SGSM1: variants seen among roughly 807,000 people sequenced by gnomAD.
SGSM1 encodes the protein RUN and TBC1 domain containing 2.
Under a neutral mutation model 133.8 loss-of-function variants are expected in SGSM1, and 73 were observed. The observed-to-expected ratio is 0.55, with a 90% CI of 0.45 to 0.66. The LOEUF is 0.66. SGSM1 is among the 30% of genes least tolerant of loss of function. SGSM1 has a pLI of 0.00. For synonymous variants in SGSM1, 563 were observed against 573.0 expected, an observed-to-expected ratio of 0.98 and a Z score of 0.25; for missense variants, 1,213 against 1,448.1, an observed-to-expected ratio of 0.84 and a Z score of 2.64.
At chr22:24,855,861 ACATC>A in intron 8 of SGSM1, 181 bp downstream of exon 8, 3 of 874,976 alleles carry the variant, frequency 3.4e-6, no homozygotes, top group South Asian at 2.9e-5. Flanking sequence ...ACCCATCCTT[ACATC>A]CATCCATCCA....
chr22:24,830,847 C>T (rs1333658619), intron 2 of SGSM1, among the ~76,000 whole-genome samples: 1 of 152,070 alleles, frequency 6.6e-6, no homozygotes, highest in Non-Finnish European at 1.5e-5. Flanking sequence ...TGCTGCTGGC[C>T]CATGAGTGAG....
intron 24 of SGSM1, 53 bp from the exon 25 acceptor site, chr22:24,924,133 C>A: frequency 6.4e-7 from 1 of 1,561,984 alleles, no homozygotes; most frequent in South Asian, 1.1e-5. Flanking sequence ...GAATTGTACC[C>A]TAAGACTGGA....
At chr22:24,822,091 T>C (rs970897571) in intron 2 of SGSM1, among the ~76,000 whole-genome samples, 136 of 138,764 alleles carry the variant, frequency 9.8e-4, no homozygotes, top group African/African-American at 3.2e-3. Context: ...TCTCTCTCTT[T>C]TTTTTTTTTT....
At chr22:24,911,754 G>A (rs775429067) in intron 21 of SGSM1, among the ~76,000 whole-genome samples, 10 of 152,070 alleles carry the variant, frequency 6.6e-5, no homozygotes, top group African/African-American at 9.7e-5. Flanking sequence ...TGACCAGTAC[G>A]CCTCAAAACT....
At chr22:24,878,352 C>T (rs947715862) in intron 13 of SGSM1, among the ~76,000 whole-genome samples, 1 of 152,176 alleles carries the variant, frequency 6.6e-6, no homozygotes, top group Non-Finnish European at 1.5e-5. Flanking sequence ...TGATGGAGAG[C>T]TCACTACTTT....
intron 13 of SGSM1, among the ~76,000 whole-genome samples, 157 bp from the exon 14 acceptor site, chr22:24,879,305 A>C (rs1424456324): frequency 6.6e-6 from 1 of 152,180 alleles, no homozygotes; most frequent in Non-Finnish European, 1.5e-5. Flanking sequence ...AGAGGCAATG[A>C]TGCTGTACAG....
At chr22:24,917,790 CTT>C (rs774671964) in intron 23 of SGSM1, 36 bp downstream of exon 23, 2 of 1,563,910 alleles carry the variant, frequency 1.3e-6, no homozygotes, top group Admixed American at 1.7e-5. Context: ...TGTCCAGACT[CTT>C]TGTAGCAGAA....
intron 16 of SGSM1, among the ~76,000 whole-genome samples, chr22:24,889,203 G>A (rs908762776): frequency 7.2e-5 from 11 of 151,786 alleles, no homozygotes; most frequent in Admixed American, 2.6e-4. Context: ...CTCGTGATCC[G>A]CCTGCCTTGG....
Position 24,806,504 on chromosome 22 carries a change from C to T in SGSM1, c.63+20C>T, listed in dbSNP as rs986255962. ...AAGGAGGTGGGTGCCGGGGTGGGGG[C>T]ACTGGGCAGGACTCCCCCGGCAGCA... On this transcript the variant is annotated intron_variant, in intron 2 of 24. Transcript: ENST00000400358. 127 of 1,503,512 alleles carry T rather than the reference C, an allele frequency of 8.4e-5. No individual in the cohort carries two copies. The highest frequency in any genetic ancestry group is 1.1e-4 in the Non-Finnish European group (122 of 1,126,890). 93.1% of individuals were successfully genotyped at this position (1,503,512 alleles called of 1,614,324 possible).
intron 9 of SGSM1, among the ~76,000 whole-genome samples, chr22:24,860,919 AAAAATAT>A (rs1470011808): frequency 4.3e-5 from 4 of 93,654 alleles, no homozygotes; most frequent in African/African-American, 1.5e-4. Context: ...AAAAAAAAAA[AAAAATAT>A]ATATATATAT....
chr22:24,813,371 G>A (rs927109947), intron 2 of SGSM1, among the ~76,000 whole-genome samples: 1 of 152,190 alleles, frequency 6.6e-6, no homozygotes, highest in African/African-American at 2.4e-5. Context: ...CAAGTTGAGA[G>A]GAAGCAAAGA....
chr22:24,890,019 C>T lies in SGSM1; in HGVS notation c.1770+3291C>T, dbSNP rs562012282. 1.1e-3 allele frequency among the ~76,000 whole-genome samples: 167 copies of T among 147,034 alleles called. 1 individual carries two copies. Among genetic ancestry groups the T allele is most frequent in the Non-Finnish European group, 1.7e-3 (117 of 67,254 alleles). ...TCGCCCAGGCTGGAGTGCAGTGGCG[C>T]GATCTCGGCTCACTGCAAGCTCTGC... On this transcript the variant is annotated intron_variant, in intron 16 of 24. Transcript: ENST00000400358.
intron 2 of SGSM1, chr22:24,813,758 G>A (rs1927896444): frequency 6.6e-6 from 1 of 152,434 alleles, no homozygotes; most frequent in African/African-American, 2.4e-5. Context: ...TCGATGTGGT[G>A]AGGATGGCAG....
chr22:24,815,478 C>G (rs1569130576), intron 2 of SGSM1, among the ~76,000 whole-genome samples: 1 of 152,194 alleles, frequency 6.6e-6, no homozygotes, highest in Non-Finnish European at 1.5e-5. Flanking sequence ...TGCAGTGGCT[C>G]ACGCCTGTGA....
chr22:24,850,742 TG>T (rs1323580286), intron 5 of SGSM1, among the ~76,000 whole-genome samples: 1 of 152,254 alleles, frequency 6.6e-6, no homozygotes, highest in East Asian at 1.9e-4. Context: ...GTAAATGGCA[TG>T]GGGATTCCCG....
intron 2 of SGSM1, among the ~76,000 whole-genome samples, chr22:24,817,294 G>T (rs1928151397): frequency 6.6e-6 from 1 of 152,054 alleles, no homozygotes; most frequent in Non-Finnish European, 1.5e-5. Flanking sequence ...GCAAATCCCT[G>T]AAGTTGTAGA....
chr22:24,922,347 A>G (rs1234600907), intron 24 of SGSM1, among the ~76,000 whole-genome samples: 1 of 151,132 alleles, frequency 6.6e-6, no homozygotes. Flanking sequence ...CACCTGGCTA[A>G]TTTTTTGTAT....
intron 2 of SGSM1, among the ~76,000 whole-genome samples, chr22:24,828,149 G>A (rs1289387879): frequency 1.1e-4 from 16 of 152,006 alleles, no homozygotes; most frequent in Admixed American, 9.8e-4. Context: ...CCTTCTCATG[G>A]GTTTCCTAGC....
At chr22:24,900,083 G>A (rs1480857389) in intron 19 of SGSM1, among the ~76,000 whole-genome samples, 1 of 149,518 alleles carries the variant, frequency 6.7e-6, no homozygotes, top group East Asian at 2.0e-4. Context: ...GAGGGCAGTG[G>A]CGCAATCACT....
Sources: allele counts gnomAD v4.1 joint callset (sites outside exome capture counted in the v4.1 genomes callset), GRCh38; gene constraint gnomAD v4.1.1; transcripts MANE v1.5; gene names NCBI Gene and HGNC (gene_info 2026-07-23, HGNC 2026-07-21).